SND1: variants seen among roughly 807,000 people sequenced by gnomAD.
SND1 encodes the protein staphylococcal nuclease and tudor domain containing 1.
Under a neutral mutation model 121.7 loss-of-function variants are expected in SND1, and 38 were observed. The observed-to-expected ratio is 0.31, with a 90% CI of 0.24 to 0.41. SND1 has a LOEUF of 0.41. Ranked by LOEUF, SND1 falls within the 10% of genes least tolerant of loss-of-function variation. The pLI is 1.00. For synonymous variants in SND1, 401 were observed against 447.4 expected (o/e 0.90, Z 1.31); for missense variants, 868 against 1,184.6 (o/e 0.73, Z 3.92).
At chr7:127,978,350 G>C (rs2116897137) in intron 15 of SND1, among the ~76,000 whole-genome samples, 1 of 152,310 alleles carries the variant, frequency 6.6e-6, no homozygotes, top group South Asian at 2.1e-4. Context: ...CAACATCTTA[G>C]GAGCAAAGGA....
chr7:127,930,951 A>G (rs1800946038), intron 15 of SND1, among the ~76,000 whole-genome samples: 2 of 152,188 alleles, frequency 1.3e-5, no homozygotes, highest in African/African-American at 4.8e-5. Flanking sequence ...GGTAATTTTC[A>G]CATTTCAAAC....
At chr7:127,845,982 T>C (rs1799054524) in intron 12 of SND1, among the ~76,000 whole-genome samples, 1 of 152,202 alleles carries the variant, frequency 6.6e-6, no homozygotes, top group Non-Finnish European at 1.5e-5. Flanking sequence ...AACCTTGAGA[T>C]CTCCACTGTG....
At chr7:127,707,735 G>T in intron 9 of SND1, 88 bp downstream of exon 9, 1 of 1,156,360 alleles carries the variant, frequency 8.6e-7, no homozygotes, top group Non-Finnish European at 1.3e-6. Context: ...AAATGCTGAA[G>T]CTCTTGAAAA....
chr7:128,050,235 G>A (rs1025216312), intron 16 of SND1, among the ~76,000 whole-genome samples: 1 of 152,114 alleles, frequency 6.6e-6, no homozygotes, highest in Non-Finnish European at 1.5e-5. Context: ...CGCCTCTATG[G>A]AGGCATTTGC....
At chr7:127,857,915 G>T in intron 12 of SND1, 3 of 1,384,352 alleles carry the variant, frequency 2.2e-6, no homozygotes, top group South Asian at 2.3e-5. Flanking sequence ...TCCAGCTTCC[G>T]GCAGTAAACA....
At chr7:127,774,653 A>G (rs1173519325) in intron 10 of SND1, among the ~76,000 whole-genome samples, 2 of 150,586 alleles carry the variant, frequency 1.3e-5, no homozygotes, top group Non-Finnish European at 2.9e-5. Flanking sequence ...AGCTCAGCTC[A>G]CTGCAACCTC....
chr7:127,813,438 TGTTTG>T (rs1397801076), intron 11 of SND1, among the ~76,000 whole-genome samples: 1 of 32,088 alleles, frequency 3.1e-5, no homozygotes, highest in African/African-American at 2.1e-4. Context: ...AGTTTTTGGT[TGTTTG>T]TTGTTGTTGT....
chr7:127,746,035 C>G (rs1381078417), intron 10 of SND1, among the ~76,000 whole-genome samples: 1 of 152,140 alleles, frequency 6.6e-6, no homozygotes. Context: ...GAAGCTGTGA[C>G]CTGTGTGTGT....
At chr7:127,849,501 A>C (rs1195283453) in intron 12 of SND1, among the ~76,000 whole-genome samples, 1 of 152,206 alleles carries the variant, frequency 6.6e-6, no homozygotes, top group Non-Finnish European at 1.5e-5. Context: ...ACAGATACAC[A>C]CACTCATTCT....
At chr7:127,698,265 A>G (rs7784200) in intron 3 of SND1, among the ~76,000 whole-genome samples, 47,813 of 152,006 alleles carry the variant, frequency 0.31, 8,161 homozygotes, top group African/African-American at 0.45. Context: ...CCTGAGAGGA[A>G]TTGGACTTTC....
chr7:127,846,170 A>G (rs1799058377), intron 12 of SND1, among the ~76,000 whole-genome samples: 2 of 152,198 alleles, frequency 1.3e-5, no homozygotes, highest in African/African-American at 2.4e-5. Context: ...TACAATATCT[A>G]TACTCCAGGT....
chr7:127,666,700 A>G (rs184967697), intron 1 of SND1, among the ~76,000 whole-genome samples: 90 of 152,304 alleles, frequency 5.9e-4, no homozygotes, highest in Middle Eastern at 6.8e-3. Context: ...AGTCTCTTTT[A>G]TGGACAGTAC....
intron 15 of SND1, among the ~76,000 whole-genome samples, chr7:127,979,531 C>T (rs1399832753): frequency 6.6e-6 from 1 of 152,066 alleles, no homozygotes; most frequent in Non-Finnish European, 1.5e-5. Context: ...ACAGGTGACT[C>T]TGGATGAATA....
chr7:127,738,588 G>T (rs894195281), intron 10 of SND1, among the ~76,000 whole-genome samples: 1 of 151,976 alleles, frequency 6.6e-6, no homozygotes, highest in Non-Finnish European at 1.5e-5. Flanking sequence ...CCTGAAAGTT[G>T]TTTTTTTAAG....
At chr7:127,747,326 G>GTGTGGGATTGCCTATGCAATTCCTGCCCT (rs1797000019) in intron 10 of SND1, among the ~76,000 whole-genome samples, 1 of 152,208 alleles carries the variant, frequency 6.6e-6, no homozygotes, top group African/African-American at 2.4e-5. Context: ...ACTCTGTTGA[G>GTGTGGGATTGCCTATGCAATTCCTGCCCT]TGTGGGATTG....
intron 17 of SND1, among the ~76,000 whole-genome samples, chr7:128,080,003 G>A (rs1295076986): frequency 6.6e-6 from 1 of 152,202 alleles, no homozygotes; most frequent in Non-Finnish European, 1.5e-5. Flanking sequence ...CTGCAAGCCT[G>A]TGTACCTCAG....
intron 11 of SND1, among the ~76,000 whole-genome samples, chr7:127,833,830 C>G (rs1412621688): frequency 6.6e-6 from 1 of 152,222 alleles, no homozygotes; most frequent in African/African-American, 2.4e-5. Flanking sequence ...TTTCTTTCCT[C>G]TTGCACAATC....
At chr7:127,660,504 CACAAGT>C (rs1211287941) in intron 1 of SND1, among the ~76,000 whole-genome samples, 2 of 152,094 alleles carry the variant, frequency 1.3e-5, no homozygotes, top group Non-Finnish European at 2.9e-5. Flanking sequence ...CTATTTAATG[CACAAGT>C]ACAAGTTGAG....
intron 14 of SND1, among the ~76,000 whole-genome samples, chr7:127,910,440 A>G (rs1339334124): frequency 1.3e-5 from 2 of 152,090 alleles, no homozygotes; most frequent in African/African-American, 4.8e-5. Flanking sequence ...GTGAGACTCC[A>G]TCTCAAAAAA....
Sources: gnomAD v4.1 joint callset for allele counts (sites outside exome capture counted in the v4.1 genomes callset) on GRCh38, gnomAD v4.1.1 for gene constraint, MANE v1.5 for transcripts, NCBI Gene and HGNC (gene_info 2026-07-23, HGNC 2026-07-21) for gene names.